SPTB: variants seen among roughly 807,000 people sequenced by gnomAD.
SPTB encodes spectrin beta chain, erythrocytic.
SPTB carries 45 observed loss-of-function variants against 256.2 expected under a neutral mutation model. That is an observed-to-expected ratio of 0.18 (90% CI 0.14 to 0.23). The LOEUF is 0.23. SPTB is among the 10% of genes least tolerant of loss of function. The probability of loss-of-function intolerance (pLI) is 1.00; values close to 1 mark genes in which losing one functional copy is unlikely to be tolerated. For synonymous variants in SPTB, 1,231 were observed against 1,243.1 expected, an observed-to-expected ratio of 0.99 and a Z score of 0.21; for missense variants, 2,715 against 3,040.4, an observed-to-expected ratio of 0.89 and a Z score of 2.52.
intron 1 of SPTB, among the ~76,000 whole-genome samples, chr14:64,878,664 G>A (rs748742381): frequency 2.6e-5 from 4 of 152,032 alleles, no homozygotes; most frequent in Non-Finnish European, 5.9e-5. Flanking sequence ...ACTAAAATAC[G>A]GATCGTGACT....
rs879166535 is a variant in SPTB at position 64,781,902 on chromosome 14, A to G, written c.4266+388T>C. 5.3e-5 allele frequency among the ~76,000 whole-genome samples: 8 copies of G among 152,360 alleles called. 1 individual carries two copies. In the South Asian group the frequency reaches 1.7e-3, roughly 32 times the overall value. ...ACAGCCATAAAAAAAGAACGAGATC[A>G]TGTCTTTTGTGGGAACATGGATGGA... On this transcript the variant is annotated intron_variant, in intron 20 of 35. Transcript: ENST00000644917.
rs777273263 is a variant in SPTB, at chr14:64,797,758, C to T, written c.1153G>A (p.Asp385Asn). The T allele has an allele frequency of 3.7e-6, 6 of 1,613,956 alleles. No homozygotes were observed. Among genetic ancestry groups the T allele is most frequent in the Non-Finnish European group, 4.2e-6 (5 of 1,179,840 alleles). Residue 385 changes from aspartate to asparagine, a missense_variant, in exon 10 of 36, where the codon GAT becomes AAT. Physicochemically the swap from Asp to Asn is conservative, Grantham distance 23. Coordinates refer to ENST00000644917, the MANE Select transcript of SPTB (RefSeq NM_001355436.2). ...TTGATGTCAGACACTAGTTTCCCAT[C>T]GTGGGGTGTGTACACTTTCTGATTG... ...ANNQKVYTPH[D>N]GKLVSDINRA... is the part of the protein sequence containing the mutation.
In SPTB at chr14:64,825,111, A is replaced by G. The variant is rs374393859; in HGVS notation, c.-51-1966T>C. 6.4e-4 allele frequency among the ~76,000 whole-genome samples: 97 copies of G among 151,392 alleles called. No individual in the cohort carries two copies. Among genetic ancestry groups the G allele is most frequent in the African/African-American group, 2.0e-3 (83 of 41,272 alleles). ...TATCCCCCTTGATCGGACAGGTTTC[A>G]GGAGGGCAGCTGGGGAAAGGACTGG... On this transcript the variant is annotated intron_variant, in intron 1 of 35. Coordinates refer to ENST00000644917, the MANE Select transcript of SPTB (RefSeq NM_001355436.2). The surrounding 1 kb of genome is among the most constrained non-coding windows in gnomAD (Gnocchi z 4.8).
chr14:64,750,638 T>C (rs982595944), intron 33 of SPTB, among the ~76,000 whole-genome samples: 1 of 151,902 alleles, frequency 6.6e-6, no homozygotes, highest in African/African-American at 2.4e-5. Flanking sequence ...TAGCCGGGCT[T>C]GGTGGCGCAT....
intron 1 of SPTB, among the ~76,000 whole-genome samples, chr14:64,843,677 G>A (rs557384929): frequency 4.9e-4 from 74 of 152,256 alleles, no homozygotes; most frequent in African/African-American, 1.1e-3. Context: ...AAAGGCCATC[G>A]CTGTCAAGCC....
intron 32 of SPTB, 185 bp from the exon 33 acceptor site, chr14:64,753,978 T>C: frequency 1.3e-6 from 1 of 743,468 alleles, no homozygotes; most frequent in South Asian, 1.6e-5. Flanking sequence ...CTTGCTTCTC[T>C]ACTCTGCCTG....
At chr14:64,828,445 C>T (rs767304392) in intron 1 of SPTB, among the ~76,000 whole-genome samples, 3 of 152,128 alleles carry the variant, frequency 2.0e-5, no homozygotes, top group Admixed American at 6.5e-5. Context: ...TCACATCCTG[C>T]ACAGAGGCAA....
chr14:64,841,234 C>T lies in SPTB; in HGVS notation c.-51-18089G>A, dbSNP rs1203329969. Among the ~76,000 whole-genome samples the T allele has an allele frequency of 6.6e-6, 1 of 152,120 alleles. No individual in the cohort carries two copies. Among genetic ancestry groups the T allele is most frequent in the Non-Finnish European group, 1.5e-5 (1 of 68,016 alleles). ...GAGGGTTCAGTGACTTGCCCCAGTA[C>T]ATCAGCCTGTAAATGACAGAGCCAG... On this transcript the variant is annotated intron_variant, in intron 1 of 35. Transcript: ENST00000644917. This position sits in a 1 kb window ranked among gnomAD's most constrained non-coding sequence, Gnocchi z 4.6.
In SPTB at chr14:64,825,716, A is replaced by T. The variant is rs1289234647; in HGVS notation, c.-51-2571T>A. ...AGAGAGGCCTGGGCCGTGGGGCTGG[A>T]GAGTGAGATTACCTTTGCCATGGCT... On this transcript the variant is annotated intron_variant, in intron 1 of 35. Transcript: ENST00000644917. This position sits in a 1 kb window ranked among gnomAD's most constrained non-coding sequence, Gnocchi z 4.8. Among the ~76,000 whole-genome samples the T allele has an allele frequency of 6.6e-6, 1 of 152,222 alleles. No homozygotes were observed. Among genetic ancestry groups the T allele is most frequent in the Non-Finnish European group, 1.5e-5 (1 of 68,038 alleles).
At chr14:64,834,923 T>G (rs2083500656) in intron 1 of SPTB, among the ~76,000 whole-genome samples, 2 of 152,232 alleles carry the variant, frequency 1.3e-5, no homozygotes, top group Non-Finnish European at 2.9e-5. Flanking sequence ...TAGAATGGTT[T>G]CCATCCATAC....
rs575163798 is a variant in SPTB at position 64,823,663 on chromosome 14, G to A, written c.-51-518C>T. On this transcript the variant is annotated intron_variant, in intron 1 of 35. Coordinates refer to ENST00000644917, the MANE Select transcript of SPTB (RefSeq NM_001355436.2). The surrounding 1 kb of genome is among the most constrained non-coding windows in gnomAD (Gnocchi z 6.5). ...GAGAGATGGATGAGAGAGTTAAGCC[G>A]CCACTGACGCCACCAGCCCGGGGCA... is the stretch of plus-strand genomic sequence containing the variant. Among the ~76,000 whole-genome samples, 254 of 152,296 alleles carry A rather than the reference G, an allele frequency of 1.7e-3. No homozygotes were observed. Among genetic ancestry groups the A allele is most frequent in the South Asian group, 2.9e-3 (14 of 4,826 alleles).
chr14:64,751,014 C>T (rs1167557803), intron 33 of SPTB, among the ~76,000 whole-genome samples: 1 of 142,914 alleles, frequency 7.0e-6, no homozygotes, highest in East Asian at 2.0e-4. Context: ...ATATATTATA[C>T]ATTATGTTAT....
chr14:64,817,752 C>T (rs1417279313), intron 2 of SPTB, among the ~76,000 whole-genome samples: 1 of 152,242 alleles, frequency 6.6e-6, no homozygotes, highest in African/African-American at 2.4e-5. Context: ...CCTGAGGACA[C>T]TCTCAGGGCC....
intron 2 of SPTB, among the ~76,000 whole-genome samples, chr14:64,815,752 A>G (rs2083180178): frequency 6.6e-6 from 1 of 152,166 alleles, no homozygotes; most frequent in Non-Finnish European, 1.5e-5. Context: ...CCAAAGCTAC[A>G]TGGTTCAGGG....
intron 30 of SPTB, 125 bp from the exon 31 acceptor site, chr14:64,767,477 C>T (rs989263250): frequency 7.0e-7 from 1 of 1,430,834 alleles, no homozygotes; most frequent in East Asian, 2.3e-5. Context: ...CTAGAGTCAG[C>T]CCCTTCTGTC....
chr14:64,766,771 C>T lies in SPTB; in HGVS notation c.6300G>A (p.Gly2100=), dbSNP rs1435951893. ...CCGCATGGTGGGAAACTGGAGCCTC[C>T]CCTGCTGTCTCGCCTTCCTCCTCTT... The part of the protein sequence containing the change: ...GPQEEEGETA[G]EAPVSHHAAT... Residue 2100 remains glycine (G), a synonymous_variant, in exon 32 of 36, where the codon GGG becomes GGA. Transcript: ENST00000644917. 6.2e-7 allele frequency: 1 copy of T among 1,612,798 alleles called. No homozygotes were observed. Among genetic ancestry groups the T allele is most frequent in the Non-Finnish European group, 8.5e-7 (1 of 1,179,908 alleles).
In SPTB at chr14:64,764,951, G is replaced by A. The variant is rs1371629240; in HGVS notation, c.6345+1775C>T. 1.3e-5 allele frequency among the ~76,000 whole-genome samples: 2 copies of A among 152,002 alleles called. No homozygotes were observed. Among genetic ancestry groups the A allele is most frequent in the Admixed American group, 1.3e-4 (2 of 15,272 alleles). On this transcript the variant is annotated intron_variant, in intron 32 of 35. Transcript: ENST00000644917. This position sits in a 1 kb window ranked among gnomAD's most constrained non-coding sequence, Gnocchi z 4.2. Reference sequence around the variant, plus strand: ...CAGCAGGAGCCCAGCAGTGCCCTCTGCTGGGCATGGTGGGCTGGTGCAGCT... The same window carrying A: ...CAGCAGGAGCCCAGCAGTGCCCTCTACTGGGCATGGTGGGCTGGTGCAGCT...
chr14:64,868,752 G>A (rs971288202), intron 1 of SPTB, among the ~76,000 whole-genome samples: 1 of 152,174 alleles, frequency 6.6e-6, no homozygotes, highest in Non-Finnish European at 1.5e-5. Flanking sequence ...ATGGAAGGAG[G>A]CTATTGCATT....
chr14:64,800,076 T>A, intron 8 of SPTB, 142 bp from the exon 9 acceptor site: 1 of 986,574 alleles, frequency 1.0e-6, no homozygotes, highest in Non-Finnish European at 1.6e-6. Flanking sequence ...GTTTGTTCCC[T>A]GAGCCCAAGT....
Sources: allele counts gnomAD v4.1 joint callset (sites outside exome capture counted in the v4.1 genomes callset), GRCh38; gene constraint gnomAD v4.1.1; non-coding constraint Gnocchi (gnomAD v3.1); transcripts MANE v1.5; gene names NCBI Gene and HGNC (gene_info 2026-07-23, HGNC 2026-07-21).